The following TWIST2 variants were observed in gnomAD, a reference collection of about 807,000 sequenced individuals.
TWIST2 encodes twist-related protein 2.
In TWIST2, 1 loss-of-function variant was observed where a neutral mutation model predicts 11.6. The observed-to-expected ratio is 0.09, with a 90% confidence interval of 0.03 to 0.41. The LOEUF is 0.41. TWIST2 is among the 10% of genes least tolerant of loss of function. The pLI is 0.98. For synonymous variants in TWIST2, 87 were observed against 96.6 expected (o/e 0.90, Z 0.58); for missense variants, 168 against 226.4 (o/e 0.74, Z 1.66).
intron 1 of TWIST2, among the ~76,000 whole-genome samples, chr2:238,893,346 C>G (rs1693170946): frequency 6.6e-6 from 1 of 152,112 alleles, no homozygotes; most frequent in Non-Finnish European, 1.5e-5. Context: ...GGACTAAAAG[C>G]TGGCCCTGGT....
chr2:238,870,131 CACA>C (rs1692623513), intron 1 of TWIST2, among the ~76,000 whole-genome samples: 2 of 120,548 alleles, frequency 1.7e-5, no homozygotes, highest in Non-Finnish European at 1.8e-5. Flanking sequence ...CCCCCACACA[CACA>C]CCACACCCCA....
In TWIST2 at chr2:238,848,465, G is replaced by C. The variant is rs773279757; in HGVS notation, c.250G>C (p.Glu84Gln). ...RERQRTQSLNEAFAALRKIIP... is the reference protein window; with the variant it reads ...RERQRTQSLNQAFAALRKIIP... ...GCGCCAGCGCACCCAGTCGCTCAAC[G>C]AGGCCTTCGCGGCGCTGCGCAAGAT... Residue 84 changes from glutamate (E) to glutamine (Q), a missense_variant, in exon 1 of 2, where the codon GAG becomes CAG. This residue lies in a region of TWIST2 where 23 missense variants were observed against 58.5 expected (regional missense o/e 0.39). Transcript: ENST00000612363. 48 of 1,566,038 alleles carry C rather than the reference G, an allele frequency of 3.1e-5. No individual in the cohort carries two copies. Among genetic ancestry groups the C allele is most frequent in the South Asian group, 1.5e-4 (13 of 85,226 alleles).
Position 238,887,731 on chromosome 2 carries a change from A to G in TWIST2, c.*36-22111A>G, listed in dbSNP as rs184694553. On this transcript the variant is annotated intron_variant, in intron 1 of 1. Transcript: ENST00000612363. ...ACGTCAGGTCTCTTCTGCTGCCCCAAGTGCCTGAAGAGGCCACAGGTTCTC... is the reference window on the plus strand; with the variant it reads ...ACGTCAGGTCTCTTCTGCTGCCCCAGGTGCCTGAAGAGGCCACAGGTTCTC... Among the ~76,000 whole-genome samples the G allele has an allele frequency of 4.9e-3, 746 of 152,274 alleles. 1 individual carries two copies. Among genetic ancestry groups the G allele is most frequent in the Non-Finnish European group, 7.1e-3 (482 of 68,016 alleles).
chr2:238,870,122 C>T (rs1170536432), intron 1 of TWIST2, among the ~76,000 whole-genome samples: 4 of 122,164 alleles, frequency 3.3e-5, no homozygotes, highest in African/African-American at 9.9e-5. Context: ...ACCATACACC[C>T]CCCACACACA....
chr2:238,904,395 G>A (rs1384735589), intron 1 of TWIST2, among the ~76,000 whole-genome samples: 3 of 126,040 alleles, frequency 2.4e-5, no homozygotes, highest in African/African-American at 8.8e-5. Context: ...TGTGATGTAA[G>A]GTGTGTGTCT....
At chr2:238,894,658 A>G (rs938281329) in intron 1 of TWIST2, among the ~76,000 whole-genome samples, 4 of 151,948 alleles carry the variant, frequency 2.6e-5, no homozygotes, top group Non-Finnish European at 4.4e-5. Flanking sequence ...CCCAGAGTCA[A>G]TGCTGTCTTT....
Position 238,848,303 on chromosome 2 carries a change from G to A in TWIST2, c.88G>A (p.Gly30Ser). 1 of 1,533,672 alleles carries A rather than the reference G, an allele frequency of 6.5e-7. No individual in the cohort carries two copies. The highest frequency in any genetic ancestry group is 8.7e-7 in the Non-Finnish European group (1 of 1,145,450). The change falls in exon 1 of 2, where the codon GGC becomes AGC. Residue 30 changes from glycine to serine, a missense_variant. Gly to Ser is a moderately conservative substitution (Grantham distance 56). Transcript: ENST00000612363. ...EELERQPKRF[G>S]RKRRYSKKSS... ...GCTCGAGAGGCAGCCCAAGCGCTTC[G>A]GCCGGAAGCGGCGCTACAGCAAGAA...
intron 1 of TWIST2, among the ~76,000 whole-genome samples, chr2:238,874,135 T>C (rs142897771): frequency 6.6e-6 from 1 of 152,160 alleles, no homozygotes; most frequent in Non-Finnish European, 1.5e-5. Flanking sequence ...AGGGATGGGA[T>C]CCCATGTGCA....
Position 238,848,162 on chromosome 2 carries a change from GGC to G in TWIST2, c.-47_-46del. On this transcript the variant is annotated 5_prime_UTR_variant, in exon 1 of 2. Coordinates refer to ENST00000612363, the MANE Select transcript of TWIST2 (RefSeq NM_001271893.4). ...CTCGGCGACCGCGGGCTTGGCCAGC[GGC>G]GCGCGCTCGGCGCCCCGGCGCCCCC... 8.4e-7 allele frequency: 1 copy of G among 1,185,934 alleles called. No individual in the cohort carries two copies. Among genetic ancestry groups the G allele is most frequent in the Non-Finnish European group, 1.0e-6 (1 of 959,004 alleles). 73.5% of individuals were successfully genotyped at this position (1,185,934 alleles called of 1,614,324 possible). A position where few individuals can be genotyped will look rare whatever the true frequency, so the allele number is the denominator to read the frequency against.
intron 1 of TWIST2, among the ~76,000 whole-genome samples, chr2:238,893,405 T>C (rs1346180019): frequency 1.3e-5 from 2 of 152,164 alleles, no homozygotes; most frequent in Non-Finnish European, 2.9e-5. Flanking sequence ...AGAACAGTTT[T>C]ATATCCCCCA....
rs1403336424 is a variant in TWIST2 at position 238,848,168 on chromosome 2, CGCTCGGCGCCCCG to C, written c.-45_-33del. 2.4e-5 allele frequency: 29 copies of C among 1,195,682 alleles called. No homozygotes were observed. Among genetic ancestry groups the C allele is most frequent in the Non-Finnish European group, 3.0e-5 (29 of 965,512 alleles). 74.1% of individuals were successfully genotyped at this position (1,195,682 alleles called of 1,614,324 possible). On this transcript the variant is annotated 5_prime_UTR_variant, in exon 1 of 2. Coordinates refer to ENST00000612363, the MANE Select transcript of TWIST2 (RefSeq NM_001271893.4). ...GACCGCGGGCTTGGCCAGCGGCGCG[CGCTCGGCGCCCCG>C]GCGCCCCCAGCCCCACGCGCGCCGG...
chr2:238,855,335 T>C (rs1045464129), intron 1 of TWIST2, among the ~76,000 whole-genome samples: 1 of 152,242 alleles, frequency 6.6e-6, no homozygotes, highest in African/African-American at 2.4e-5. Context: ...TACACGTCTC[T>C]GTTCACATCA....
intron 1 of TWIST2, among the ~76,000 whole-genome samples, chr2:238,905,032 G>GTAGGTGGGTGGC (rs1354637678): frequency 1.3e-5 from 2 of 151,730 alleles, no homozygotes; most frequent in African/African-American, 2.4e-5. Flanking sequence ...AAAGAAGTAG[G>GTAGGTGGGTGGC]TAGGTGGGTG....
At chr2:238,849,571 A>G (rs1692205248) in intron 1 of TWIST2, among the ~76,000 whole-genome samples, 1 of 152,138 alleles carries the variant, frequency 6.6e-6, no homozygotes, top group Non-Finnish European at 1.5e-5. Flanking sequence ...GGCCCCGCCC[A>G]TCCAGCCCCG....
intron 1 of TWIST2, among the ~76,000 whole-genome samples, chr2:238,892,848 A>G (rs1188103508): frequency 1.3e-5 from 2 of 152,206 alleles, no homozygotes; most frequent in East Asian, 3.8e-4. Flanking sequence ...AACTGAGGCA[A>G]AGTCTTCAAC....
intron 1 of TWIST2, among the ~76,000 whole-genome samples, chr2:238,870,556 A>T (rs1692657312): frequency 8.3e-6 from 1 of 120,746 alleles, no homozygotes; most frequent in Admixed American, 8.2e-5. Flanking sequence ...CACACCCCAC[A>T]CACACCACAC....
intron 1 of TWIST2, among the ~76,000 whole-genome samples, chr2:238,898,583 C>A (rs1009129703): frequency 6.6e-6 from 1 of 152,230 alleles, no homozygotes; most frequent in African/African-American, 2.4e-5. Flanking sequence ...AGGGTGGGCG[C>A]AATGTGGGCG....
Position 238,869,191 on chromosome 2 carries a change from G to A in TWIST2, c.*35+20458G>A, listed in dbSNP as rs1027009625. 2.9e-4 allele frequency among the ~76,000 whole-genome samples: 44 copies of A among 152,330 alleles called. 1 individual carries two copies. Among genetic ancestry groups the A allele is most frequent in the African/African-American group, 1.0e-3 (43 of 41,576 alleles). Reference sequence around the variant, plus strand: ...CAGAATGGGAAATAGGTCCAAGTGCGGTGAGGAGTACTTTAAAGAAGGGAT... The same window carrying A: ...CAGAATGGGAAATAGGTCCAAGTGCAGTGAGGAGTACTTTAAAGAAGGGAT... On this transcript the variant is annotated intron_variant, in intron 1 of 1. Transcript: ENST00000612363.
chr2:238,878,738 C>T (rs1408915003), intron 1 of TWIST2, among the ~76,000 whole-genome samples: 7 of 151,990 alleles, frequency 4.6e-5, no homozygotes, highest in South Asian at 4.2e-4. Context: ...GAAACACAGG[C>T]GCTAATAACT....
Sources: gnomAD v4.1 joint callset for allele counts (sites outside exome capture counted in the v4.1 genomes callset) on GRCh38, gnomAD v4.1.1 for gene constraint, gnomAD v4.1.1 regional missense constraint, MANE v1.5 for transcripts, NCBI Gene and HGNC (gene_info 2026-07-23, HGNC 2026-07-21) for gene names.